KYNU: variants seen among roughly 807,000 people sequenced by gnomAD.
KYNU encodes the protein kynureninase, also known as L-kynurenine hydrolase.
Under a neutral mutation model 59.2 loss-of-function variants are expected in KYNU, and 54 were observed. That is an observed-to-expected ratio of 0.91 (90% CI 0.73 to 1.14). The LOEUF is 1.14. Among genes scored for constraint, KYNU ranks in the 50% most tolerant of loss-of-function variants. KYNU has a pLI of 0.00. For synonymous variants in KYNU, 177 were observed against 192.0 expected (o/e 0.92, Z 0.65); for missense variants, 567 against 554.4 (o/e 1.02, Z -0.23).
chr2:143,020,942 A>T (rs1686389143), intron 10 of KYNU, among the ~76,000 whole-genome samples: 2 of 152,232 alleles, frequency 1.3e-5, no homozygotes, highest in Non-Finnish European at 1.5e-5. Context: ...CAGTCACACC[A>T]ATAGAGTACA....
intron 2 of KYNU, among the ~76,000 whole-genome samples, chr2:142,897,204 T>G (rs1681908226): frequency 6.6e-6 from 1 of 152,254 alleles, no homozygotes; most frequent in Admixed American, 6.5e-5. Context: ...TAATATTTAT[T>G]CTGCAGCTGT....
chr2:143,017,246 T>G (rs1298405231), intron 10 of KYNU, among the ~76,000 whole-genome samples: 2 of 152,100 alleles, frequency 1.3e-5, no homozygotes, highest in Non-Finnish European at 2.9e-5. Context: ...ATAATTTATT[T>G]TATTTTGGAT....
intron 10 of KYNU, among the ~76,000 whole-genome samples, chr2:142,992,994 G>C (rs1392041631): frequency 2.0e-5 from 3 of 151,988 alleles, no homozygotes; most frequent in Non-Finnish European, 4.4e-5. Flanking sequence ...TTTTGCCGTA[G>C]GGGCAGCGGA....
intron 10 of KYNU, among the ~76,000 whole-genome samples, chr2:143,029,282 T>C (rs1212522072): frequency 6.6e-6 from 1 of 152,180 alleles, no homozygotes; most frequent in African/African-American, 2.4e-5. Context: ...GTAGTGTTTA[T>C]TTTTATAGAT....
At chr2:142,886,909 G>A (rs375575778) in intron 2 of KYNU, among the ~76,000 whole-genome samples, 4 of 152,268 alleles carry the variant, frequency 2.6e-5, no homozygotes, top group African/African-American at 9.6e-5. Flanking sequence ...GGTGGCTCAC[G>A]CCTGTAATCC....
chr2:142,942,162 AAAAAAAAAAAAAG>A (rs576235956), intron 4 of KYNU, among the ~76,000 whole-genome samples: 35 of 124,996 alleles, frequency 2.8e-4, no homozygotes, highest in Middle Eastern at 3.8e-3. Context: ...GGGTGACAGA[AAAAAAAAAAAAAG>A]AAAAAAAAAA....
intron 2 of KYNU, among the ~76,000 whole-genome samples, chr2:142,908,436 A>G (rs189303263): frequency 6.6e-6 from 1 of 151,702 alleles, no homozygotes; most frequent in East Asian, 1.9e-4. Flanking sequence ...TTTTGTTTTT[A>G]ATGGGTAAAT....
intron 2 of KYNU, among the ~76,000 whole-genome samples, chr2:142,908,504 A>T (rs13027986): frequency 0.11 from 14,542 of 128,460 alleles, 784 homozygotes; most frequent in East Asian, 0.25. Flanking sequence ...GATTTTTTTT[A>T]AAAAAAATAT....
At chr2:142,935,701 G>A (rs962718378) in intron 4 of KYNU, among the ~76,000 whole-genome samples, 3 of 152,134 alleles carry the variant, frequency 2.0e-5, no homozygotes, top group African/African-American at 7.2e-5. Context: ...TTCAGTTCCT[G>A]CTACTTCCTG....
chr2:142,926,128 G>C (rs1055955568), intron 3 of KYNU, among the ~76,000 whole-genome samples: 4 of 152,070 alleles, frequency 2.6e-5, no homozygotes, highest in East Asian at 1.9e-4. Context: ...TGGGGCCTGT[G>C]GGGGGTGAGG....
At chr2:143,039,928 A>G (rs1280732740) in intron 12 of KYNU, among the ~76,000 whole-genome samples, 1 of 152,118 alleles carries the variant, frequency 6.6e-6, no homozygotes, top group African/African-American at 2.4e-5. Flanking sequence ...TCACAACCAC[A>G]GTAAAACTTG....
chr2:143,001,834 G>A (rs1482837716), intron 10 of KYNU, among the ~76,000 whole-genome samples: 3 of 152,180 alleles, frequency 2.0e-5, no homozygotes, highest in Non-Finnish European at 2.9e-5. Context: ...AAAAATTTAA[G>A]TGAGAATACA....
At chr2:143,023,144 C>T (rs1358895228) in intron 10 of KYNU, among the ~76,000 whole-genome samples, 1 of 151,736 alleles carries the variant, frequency 6.6e-6, no homozygotes, top group Non-Finnish European at 1.5e-5. Flanking sequence ...TGGCAATTTC[C>T]CAAAAGTCTT....
In KYNU at chr2:143,055,439, C is replaced by T. The variant is rs1380512955; in HGVS notation, c.*13267C>T. On this transcript the variant is annotated 3_prime_UTR_variant, in exon 14 of 14. Coordinates refer to ENST00000264170, the MANE Select transcript of KYNU (RefSeq NM_003937.3). ...TAACTATTCCTTTTCTTCTGTCTTC[C>T]ACTTTTAAGAGCCTTTTTGAGTCTA... 6.6e-6 allele frequency: 1 copy of T among 152,126 alleles called. No homozygotes were observed. Among genetic ancestry groups the T allele is most frequent in the Non-Finnish European group, 1.5e-5 (1 of 68,044 alleles). The allele number at this position is 152,126 out of a possible 1,614,324, so 9.4% of individuals were successfully genotyped here.
intron 4 of KYNU, among the ~76,000 whole-genome samples, chr2:142,930,065 T>C (rs1683159234): frequency 6.6e-6 from 1 of 152,124 alleles, no homozygotes; most frequent in African/African-American, 2.4e-5. Context: ...GGGTAAAATA[T>C]TTTGATTTTC....
intron 4 of KYNU, among the ~76,000 whole-genome samples, chr2:142,930,887 G>A (rs1403272091): frequency 2.6e-5 from 4 of 152,196 alleles, no homozygotes; most frequent in Admixed American, 6.5e-5. Flanking sequence ...TAGACAACAC[G>A]AGGTGGTGTG....
At chr2:142,980,213 A>C (rs1685012145) in intron 8 of KYNU, among the ~76,000 whole-genome samples, 2 of 144,350 alleles carry the variant, frequency 1.4e-5, no homozygotes, top group South Asian at 4.1e-4. Context: ...ATTAGCTTAT[A>C]ATGCTAATAA....
intron 12 of KYNU, among the ~76,000 whole-genome samples, 156 bp from the exon 13 acceptor site, chr2:143,040,272 G>C (rs924504124): frequency 7.9e-5 from 12 of 152,046 alleles, no homozygotes; most frequent in African/African-American, 2.9e-4. Context: ...AGCATTTAAA[G>C]GAGGGCATGA....
intron 4 of KYNU, among the ~76,000 whole-genome samples, chr2:142,946,371 G>A (rs61240590): frequency 1.6e-4 from 24 of 152,190 alleles, no homozygotes; most frequent in African/African-American, 5.5e-4. Flanking sequence ...CTGCCCGGCT[G>A]CCAAATTTTA....
Sources: gnomAD v4.1 joint callset for allele counts (sites outside exome capture counted in the v4.1 genomes callset) on GRCh38, gnomAD v4.1.1 for gene constraint, MANE v1.5 for transcripts, NCBI Gene and HGNC (gene_info 2026-07-23, HGNC 2026-07-21) for gene names.